Variants in SNRPN observed in about 807,000 individuals in gnomAD.
The protein encoded by SNRPN is small nuclear ribonucleoprotein-associated protein N.
SNRPN carries 7 observed loss-of-function variants against 25.2 expected under a neutral mutation model. The observed-to-expected ratio is 0.28, with a 90% confidence interval of 0.16 to 0.52. The LOEUF (loss-of-function observed/expected upper bound fraction) is 0.52. Ranked by LOEUF, SNRPN falls within the 20% of genes least tolerant of loss-of-function variation. SNRPN has a pLI of 0.96. For missense variants in SNRPN, 196 were observed against 322.5 expected (o/e 0.61, Z 3.00); for synonymous variants, 124 against 110.6 (o/e 1.12, Z -0.76).
intron 2 of SNRPN, among the ~76,000 whole-genome samples, chr15:24,831,386 C>A (rs2050500696): frequency 6.6e-6 from 1 of 151,970 alleles, no homozygotes; most frequent in Non-Finnish European, 1.5e-5. Flanking sequence ...ATCTTCACAT[C>A]ATCTTCAAAC....
intron 2 of SNRPN, among the ~76,000 whole-genome samples, chr15:24,837,545 A>G (rs1250601621): frequency 6.6e-6 from 1 of 150,394 alleles, no homozygotes; most frequent in African/African-American, 2.5e-5. Context: ...ATTTTTTTGT[A>G]TTTTTGGTAG....
intron 2 of SNRPN, among the ~76,000 whole-genome samples, chr15:24,847,456 C>T (rs1276896329): frequency 1.3e-5 from 2 of 152,106 alleles, no homozygotes; most frequent in Non-Finnish European, 2.9e-5. Flanking sequence ...GCCTGGGTAA[C>T]ACGGTGAAAC....
At chr15:24,974,689 T>C in intron 4 of SNRPN, 1 of 615,440 alleles carries the variant, frequency 1.6e-6, no homozygotes, top group Non-Finnish European at 2.9e-6. Context: ...GGTGCGGTCT[T>C]GGCTCACTGC....
At chr15:24,898,557 C>T (rs2058233890) in intron 2 of SNRPN, among the ~76,000 whole-genome samples, 1 of 151,624 alleles carries the variant, frequency 6.6e-6, no homozygotes, top group South Asian at 2.1e-4. Context: ...CACTGCACCC[C>T]ATCCTGGCGA....
At chr15:24,965,243 G>T (rs2075434956) in intron 2 of SNRPN, among the ~76,000 whole-genome samples, 1 of 152,090 alleles carries the variant, frequency 6.6e-6, no homozygotes, top group South Asian at 2.1e-4. Flanking sequence ...TAGCCCTAAA[G>T]ATCAATGAAG....
upstream of SNRPN, among the ~76,000 whole-genome samples, chr15:24,953,954 T>G (rs576864936): frequency 1.3e-5 from 2 of 152,332 alleles, no homozygotes; most frequent in East Asian, 3.9e-4. Context: ...AGCAGTAGCT[T>G]ACAGGGCTTG....
At chr15:24,943,222 C>A (rs2061668112) in intron 3 of SNRPN, among the ~76,000 whole-genome samples, 1 of 152,066 alleles carries the variant, frequency 6.6e-6, no homozygotes, top group East Asian at 1.9e-4. Flanking sequence ...AATAAACAAC[C>A]AGGAACACTG....
chr15:24,968,514 G>A, intron 3 of SNRPN: 1 of 155,432 alleles, frequency 6.4e-6, no homozygotes, highest in Admixed American at 6.3e-5. Context: ...ATTGAATCAA[G>A]GAATATGAAC....
intron 5 of SNRPN, among the ~76,000 whole-genome samples, chr15:24,976,051 A>G (rs2077023389): frequency 1.3e-5 from 2 of 152,230 alleles, no homozygotes; most frequent in Admixed American, 1.3e-4. Flanking sequence ...TATTTCACAA[A>G]AGAAATTAGT....
At chr15:24,954,389 A>G (rs1290668455), upstream of SNRPN, among the ~76,000 whole-genome samples, 2 of 152,162 alleles carry the variant, frequency 1.3e-5, no homozygotes, top group Non-Finnish European at 2.9e-5. Context: ...TGAATGATCT[A>G]TCCATTCCGT....
At chr15:24,967,911 T>G in intron 2 of SNRPN, 21 bp from the exon 3 acceptor site, 1 of 1,594,068 alleles carries the variant, frequency 6.3e-7, no homozygotes, top group Non-Finnish European at 8.6e-7. Context: ...ATCATTTATA[T>G]ATATTGTGCT....
chr15:24,936,072 G>A (rs1469347652), intron 3 of SNRPN, among the ~76,000 whole-genome samples: 1 of 151,510 alleles, frequency 6.6e-6, no homozygotes, highest in Non-Finnish European at 1.5e-5. Context: ...CCGAGATCAT[G>A]CCACTGCACT....
rs981374080 is a variant in SNRPN at position 24,883,261 on chromosome 15, G to T, written c.-578-3255G>T. On this transcript the variant is annotated intron_variant, in intron 1 of 11. Transcript: ENST00000400097. ...CAAGCGTATTCCTTGGATGGTCTGC[G>T]GTGGGCAGTCTCTGCCAGGATGTGC... Among the ~76,000 whole-genome samples, 20 of 152,222 alleles carry T rather than the reference G, an allele frequency of 1.3e-4. 1 individual carries two copies. The highest frequency in any genetic ancestry group is 9.8e-4 in the Admixed American group (15 of 15,286).
chr15:24,883,595 A>G (rs1172856645), intron 1 of SNRPN, among the ~76,000 whole-genome samples: 2 of 152,188 alleles, frequency 1.3e-5, no homozygotes, highest in African/African-American at 4.8e-5. Context: ...CTTACACTCT[A>G]TCATTTCAGA....
rs1015756710 is a variant in SNRPN, at chr15:24,838,372, G to A, written c.-579+8467G>A. Among the ~76,000 whole-genome samples the A allele has an allele frequency of 3.9e-5, 6 of 152,234 alleles. No individual in the cohort carries two copies. The East Asian group carries it at 1.2e-3, about 29-fold the overall frequency. Reference sequence around the variant, plus strand: ...TTTTTAAAATTGGGTTTCTGGAGGTGATATCCATCCTTTTCCAGTACACAG... The same window carrying A: ...TTTTTAAAATTGGGTTTCTGGAGGTAATATCCATCCTTTTCCAGTACACAG... On this transcript the variant is annotated intron_variant, in intron 2 of 12. Transcript: ENST00000400100.
chr15:24,978,186 A>G lies in SNRPN; in HGVS notation c.560-7A>G, dbSNP rs746246956. ...GAGGCCTTTATTTCTACCATTTTTCACTGTAGGCATTATGGCTCCTCCACC... is the reference window on the plus strand; with the variant it reads ...GAGGCCTTTATTTCTACCATTTTTCGCTGTAGGCATTATGGCTCCTCCACC... On this transcript the variant is annotated splice_polypyrimidine_tract_variant and splice_region_variant and intron_variant, in intron 8 of 9. Coordinates refer to ENST00000390687, the MANE Select transcript of SNRPN (RefSeq NM_003097.6). The G allele has an allele frequency of 6.2e-7, 1 of 1,609,632 alleles. No individual in the cohort carries two copies. The highest frequency in any genetic ancestry group is 2.2e-5 in the East Asian group (1 of 44,758).
chr15:24,856,656 C>G (rs1392728067), exon 1 of SNRPN: 1 of 152,202 alleles, frequency 6.6e-6, no homozygotes, highest in African/African-American at 2.4e-5. Flanking sequence ...ATAAGAAAGG[C>G]TTTTCTCTCC....
chr15:24,893,345 C>A (rs969687766), intron 2 of SNRPN, among the ~76,000 whole-genome samples: 18 of 150,802 alleles, frequency 1.2e-4, no homozygotes, highest in Admixed American at 1.2e-3. Context: ...GGCTGGGTGC[C>A]GTGGCTCATG....
chr15:24,900,315 A>T lies in SNRPN; in HGVS notation c.-505+13726A>T, dbSNP rs147883927. Among the ~76,000 whole-genome samples, 7 of 152,304 alleles carry T rather than the reference A, an allele frequency of 4.6e-5. No individual in the cohort carries two copies. The East Asian group carries it at 1.4e-3, about 29-fold the overall frequency. ...TTCATTTGTTGTAGCTGCAGGGCTG[A>T]TATTGTTAAATATCAAAACCAAGAA... is the stretch of plus-strand genomic sequence containing the variant. On this transcript the variant is annotated intron_variant, in intron 2 of 11. Coordinates refer to the SNRPN transcript ENST00000400097.
Sources: allele counts gnomAD v4.1 joint callset (sites outside exome capture counted in the v4.1 genomes callset), GRCh38; gene constraint gnomAD v4.1.1; transcripts MANE v1.5; gene names NCBI Gene and HGNC (gene_info 2026-07-23, HGNC 2026-07-21).